The following STRN variants were observed in gnomAD, a reference collection of about 807,000 sequenced individuals.
The protein encoded by STRN is protein phosphatase 2 regulatory subunit B'''alpha.
Under a neutral mutation model 96.3 loss-of-function variants are expected in STRN, and 53 were observed. The ratio of observed to expected loss-of-function variants is 0.55; its 90% CI spans 0.44 to 0.69. The LOEUF (loss-of-function observed/expected upper bound fraction) is 0.69, where lower values mean the gene tolerates loss of function less well. Ranked by LOEUF, STRN falls within the 30% of genes least tolerant of loss-of-function variation. The pLI, the probability that STRN is intolerant of heterozygous loss-of-function variation, is 0.00. For synonymous variants in STRN, 428 were observed against 355.9 expected (o/e 1.20, Z -2.28); for missense variants, 987 against 963.9 (o/e 1.02, Z -0.32).
intron 5 of STRN, among the ~76,000 whole-genome samples, chr2:36,900,243 T>C (rs1378908369): frequency 3.9e-5 from 6 of 152,222 alleles, no homozygotes. Flanking sequence ...TGATTTATTA[T>C]TATTTTGATC....
At chr2:36,912,853 T>C (rs1669998276) in intron 3 of STRN, among the ~76,000 whole-genome samples, 1 of 152,224 alleles carries the variant, frequency 6.6e-6, no homozygotes, top group Admixed American at 6.5e-5. Flanking sequence ...CTGGTCTAGT[T>C]GTTTAAATTA....
rs1217402037 is a variant in STRN at position 36,847,264 on chromosome 2, G to C, written c.*2192C>G. On this transcript the variant is annotated 3_prime_UTR_variant, in exon 18 of 18. Transcript: ENST00000263918. ...AAATGAACGGGGGAAGAATGTCCTGGTTTTTAGAATTTCAGTGACATTAAT... is the reference window on the plus strand; with the variant it reads ...AAATGAACGGGGGAAGAATGTCCTGCTTTTTAGAATTTCAGTGACATTAAT... The C allele has an allele frequency of 6.6e-6, 1 of 152,128 alleles. No homozygotes were observed. Among genetic ancestry groups the C allele is most frequent in the African/African-American group, 2.4e-5 (1 of 41,424 alleles). 9.4% of individuals were successfully genotyped at this position (152,128 alleles called of 1,614,324 possible). A position where few individuals can be genotyped will look rare whatever the true frequency, so the allele number is the denominator to read the frequency against.
intron 7 of STRN, among the ~76,000 whole-genome samples, 159 bp downstream of exon 7, chr2:36,893,739 C>A (rs1338256184): frequency 6.6e-6 from 1 of 151,914 alleles, no homozygotes; most frequent in Admixed American, 6.6e-5. Context: ...GTTCCTTAAA[C>A]ATACACACAC....
At chr2:36,901,291 G>A (rs1358675956) in intron 5 of STRN, among the ~76,000 whole-genome samples, 1 of 152,150 alleles carries the variant, frequency 6.6e-6, no homozygotes, top group Non-Finnish European at 1.5e-5. Flanking sequence ...GGGGGCTCAT[G>A]CCGGTAATCC....
At chr2:36,860,690 T>G (rs13389034) in intron 13 of STRN, among the ~76,000 whole-genome samples, 2 of 152,210 alleles carry the variant, frequency 1.3e-5, no homozygotes, top group Non-Finnish European at 2.9e-5. Flanking sequence ...TTTTACATAT[T>G]TTGGTGTCAT....
chr2:36,855,116 T>TA (rs892209998), intron 15 of STRN, 96 bp downstream of exon 15: 28 of 1,302,458 alleles, frequency 2.1e-5, no homozygotes, highest in Non-Finnish European at 3.0e-5. Context: ...CAGAAAGCTT[T>TA]ATAATGACAA....
intron 13 of STRN, among the ~76,000 whole-genome samples, chr2:36,859,902 G>A (rs1279401372): frequency 6.6e-6 from 1 of 152,166 alleles, no homozygotes; most frequent in Non-Finnish European, 1.5e-5. Flanking sequence ...TGTAAGTGTT[G>A]TAGCCAGAAG....
chr2:36,934,335 T>A (rs868735865), intron 1 of STRN, among the ~76,000 whole-genome samples: 6 of 152,300 alleles, frequency 3.9e-5, no homozygotes, highest in Middle Eastern at 3.4e-3. Context: ...GAAAAGGATA[T>A]TAACTTGTAG....
At chr2:36,917,658 GAA>G (rs542516119) in intron 2 of STRN, among the ~76,000 whole-genome samples, 1 of 151,194 alleles carries the variant, frequency 6.6e-6, no homozygotes, top group African/African-American at 2.4e-5. Context: ...AGTCACAACA[GAA>G]AAAAAAGTTT....
At chr2:36,928,235 A>T (rs1670468581) in intron 1 of STRN, among the ~76,000 whole-genome samples, 1 of 152,224 alleles carries the variant, frequency 6.6e-6, no homozygotes, top group Admixed American at 6.5e-5. Flanking sequence ...CCAGCTAAAA[A>T]TTCTCCAGAT....
chr2:36,930,085 G>C (rs1291110982), intron 1 of STRN, among the ~76,000 whole-genome samples: 1 of 152,116 alleles, frequency 6.6e-6, no homozygotes, highest in African/African-American at 2.4e-5. Context: ...AATCTAGGCT[G>C]CTAGTTTTCT....
At chr2:36,854,920 G>T (rs886339822) in intron 15 of STRN, among the ~76,000 whole-genome samples, 1 of 152,060 alleles carries the variant, frequency 6.6e-6, no homozygotes, top group South Asian at 2.1e-4. Flanking sequence ...TTCCTATTCA[G>T]AATAAATATG....
At chr2:36,940,726 A>G (rs1024077629) in intron 1 of STRN, among the ~76,000 whole-genome samples, 11 of 148,316 alleles carry the variant, frequency 7.4e-5, no homozygotes, top group African/African-American at 2.7e-4. Context: ...AGTCCCAGCT[A>G]TTCGGGAGGC....
chr2:36,924,752 A>G (rs368923788), intron 2 of STRN, among the ~76,000 whole-genome samples: 39 of 152,220 alleles, frequency 2.6e-4, no homozygotes, highest in African/African-American at 9.4e-4. Flanking sequence ...AAATTATTCC[A>G]ACATTTAAGA....
chr2:36,876,861 C>A (rs1449901820), intron 10 of STRN, among the ~76,000 whole-genome samples: 2 of 152,012 alleles, frequency 1.3e-5, no homozygotes, highest in African/African-American at 2.4e-5. Context: ...CATTCTCCTG[C>A]CTCAGCCTCC....
chr2:36,897,689 G>A (rs539325067), intron 6 of STRN, among the ~76,000 whole-genome samples: 8 of 151,704 alleles, frequency 5.3e-5, no homozygotes, highest in South Asian at 2.1e-4. Flanking sequence ...CATCCGTCTC[G>A]GCCTCCCAAA....
At chr2:36,916,996 C>T (rs1414481982) in intron 2 of STRN, among the ~76,000 whole-genome samples, 1 of 145,658 alleles carries the variant, frequency 6.9e-6, no homozygotes, top group African/African-American at 2.6e-5. Flanking sequence ...AATAAATATT[C>T]AATGTGTTAA....
intron 7 of STRN, among the ~76,000 whole-genome samples, chr2:36,888,387 A>G (rs1215711492): frequency 1.3e-5 from 2 of 152,136 alleles, no homozygotes; most frequent in African/African-American, 4.8e-5. Flanking sequence ...ACTGGTCTAC[A>G]TGGCTCAACA....
At chr2:36,934,230 C>T (rs1460093970) in intron 1 of STRN, among the ~76,000 whole-genome samples, 1 of 152,172 alleles carries the variant, frequency 6.6e-6, no homozygotes, top group Non-Finnish European at 1.5e-5. Context: ...CAGAAATGTT[C>T]TATATCTCCC....
Sources: allele counts gnomAD v4.1 joint callset (sites outside exome capture counted in the v4.1 genomes callset), GRCh38; gene constraint gnomAD v4.1.1; transcripts MANE v1.5; gene names NCBI Gene and HGNC (gene_info 2026-07-23, HGNC 2026-07-21).